Variants in MAGI2 observed in about 807,000 individuals in gnomAD.
The protein encoded by MAGI2 is membrane associated guanylate kinase, WW and PDZ domain containing 2, also known as membrane-associated guanylate kinase, WW and PDZ domain-containing protein 2.
MAGI2 carries 35 observed loss-of-function variants against 133.3 expected under a neutral mutation model. The ratio of observed to expected loss-of-function variants is 0.26; its 90% CI spans 0.20 to 0.35. The LOEUF is 0.35. Among genes scored for constraint, MAGI2 ranks in the 10% least tolerant of loss-of-function variants. The probability of loss-of-function intolerance (pLI) is 1.00; values close to 1 mark genes in which losing one functional copy is unlikely to be tolerated. For synonymous variants in MAGI2, 729 were observed against 710.6 expected (o/e 1.03, Z -0.41); for missense variants, 1,636 against 1,863.4 (o/e 0.88, Z 2.25).
intron 1 of MAGI2, among the ~76,000 whole-genome samples, chr7:79,247,565 A>G (rs1832914338): frequency 6.6e-6 from 1 of 152,144 alleles, no homozygotes; most frequent in African/African-American, 2.4e-5. Context: ...GTGAGCTGTG[A>G]TTGTGCCACT....
At chr7:79,436,025 T>G (rs549118389) in intron 1 of MAGI2, among the ~76,000 whole-genome samples, 113 of 152,186 alleles carry the variant, frequency 7.4e-4, no homozygotes, top group African/African-American at 2.4e-3. Flanking sequence ...GGGAAAGGAC[T>G]CCCTATTCAA....
At chr7:78,611,952 C>G (rs376379048) in intron 3 of MAGI2, among the ~76,000 whole-genome samples, 1 of 152,184 alleles carries the variant, frequency 6.6e-6, no homozygotes, top group African/African-American at 2.4e-5. Flanking sequence ...AATCCAAACT[C>G]CAGCTTCTCA....
chr7:78,451,009 T>C (rs1584191734), intron 6 of MAGI2, among the ~76,000 whole-genome samples: 1 of 151,880 alleles, frequency 6.6e-6, no homozygotes, highest in Non-Finnish European at 1.5e-5. Flanking sequence ...AAGCGGCAGG[T>C]GGTAGTAGTA....
At chr7:78,470,100 C>G (rs1329796897) in intron 6 of MAGI2, among the ~76,000 whole-genome samples, 1 of 152,112 alleles carries the variant, frequency 6.6e-6, no homozygotes. Flanking sequence ...TTCTCACTGT[C>G]AAGTTGAAAA....
chr7:79,327,913 G>A (rs11977807), intron 1 of MAGI2, among the ~76,000 whole-genome samples: 25,283 of 152,018 alleles, frequency 0.17, 2,410 homozygotes, highest in East Asian at 0.35. Flanking sequence ...TTTTAAACTT[G>A]TATCAAATAT....
At chr7:79,159,697 T>C (rs1488991045) in intron 1 of MAGI2, among the ~76,000 whole-genome samples, 1 of 152,092 alleles carries the variant, frequency 6.6e-6, no homozygotes, top group African/African-American at 2.4e-5. Flanking sequence ...ATAATCTGTC[T>C]CTTTAACATT....
intron 1 of MAGI2, among the ~76,000 whole-genome samples, chr7:79,254,431 C>T (rs1266293035): frequency 6.6e-6 from 1 of 152,090 alleles, no homozygotes; most frequent in Non-Finnish European, 1.5e-5. Context: ...CTTACAAAGG[C>T]CATCTTACTG....
chr7:78,986,593 C>T (rs1264945793), intron 2 of MAGI2, among the ~76,000 whole-genome samples: 2 of 151,914 alleles, frequency 1.3e-5, no homozygotes, highest in Non-Finnish European at 1.5e-5. Context: ...GTGATCATAG[C>T]TCACTGCAGC....
At chr7:78,684,947 T>C (rs191008759) in intron 2 of MAGI2, among the ~76,000 whole-genome samples, 1 of 152,296 alleles carries the variant, frequency 6.6e-6, no homozygotes, top group Non-Finnish European at 1.5e-5. Flanking sequence ...ATTTTTAACA[T>C]ACAGAGGAGC....
At chr7:78,711,351 G>C (rs1304856604) in intron 2 of MAGI2, among the ~76,000 whole-genome samples, 1 of 152,124 alleles carries the variant, frequency 6.6e-6, no homozygotes, top group Non-Finnish European at 1.5e-5. Context: ...GCAAGGAATG[G>C]AGGTTGCAGA....
intron 9 of MAGI2, among the ~76,000 whole-genome samples, chr7:78,275,298 T>A (rs935207446): frequency 1.3e-5 from 2 of 152,166 alleles, no homozygotes; most frequent in Admixed American, 6.5e-5. Context: ...CCAGTCCCAG[T>A]GAGATGAACC....
At chr7:78,922,926 C>T (rs1367306425) in intron 2 of MAGI2, among the ~76,000 whole-genome samples, 8 of 151,840 alleles carry the variant, frequency 5.3e-5, no homozygotes, top group Non-Finnish European at 8.8e-5. Flanking sequence ...TTTTGATTTG[C>T]ATTTCTCTGA....
chr7:79,006,257 C>G (rs1454893967), intron 2 of MAGI2, among the ~76,000 whole-genome samples: 1 of 152,222 alleles, frequency 6.6e-6, no homozygotes, highest in Non-Finnish European at 1.5e-5. Flanking sequence ...GGACTCATAG[C>G]TTTGAATTTA....
chr7:78,310,143 A>C (rs1798575411), intron 9 of MAGI2, among the ~76,000 whole-genome samples: 1 of 152,160 alleles, frequency 6.6e-6, no homozygotes, highest in African/African-American at 2.4e-5. Context: ...TATATTTTAA[A>C]AGTACATTAG....
intron 2 of MAGI2, among the ~76,000 whole-genome samples, chr7:78,770,353 G>A (rs1825454921): frequency 6.6e-6 from 1 of 152,112 alleles, no homozygotes; most frequent in African/African-American, 2.4e-5. Context: ...AAGAATACCT[G>A]GTGTGTGTCT....
chr7:79,230,323 A>G (rs62460853), intron 1 of MAGI2, among the ~76,000 whole-genome samples: 7 of 152,070 alleles, frequency 4.6e-5, no homozygotes, highest in African/African-American at 9.7e-5. Flanking sequence ...GGGATGGCTG[A>G]GTCAAATGGT....
Position 78,338,984 on chromosome 7 carries a change from A to AAAACAAACAAACAAAC in MAGI2, c.1408+4778_1408+4793dup, listed in dbSNP as rs3061239. ...ACATAGTGAGACCCCATCTCTTGAGAAAACAAACAAACAAACAAACAAACA... is the reference window on the plus strand; with the variant it reads ...ACATAGTGAGACCCCATCTCTTGAGAAAACAAACAAACAAACAAACAAACAAACAAACAAACAAACA... On this transcript the variant is annotated intron_variant, in intron 9 of 21. Transcript: ENST00000354212. Among the ~76,000 whole-genome samples, 588 of 150,256 alleles carry AAAACAAACAAACAAAC rather than the reference A, an allele frequency of 3.9e-3. 1 individual carries two copies. The highest frequency in any genetic ancestry group is 6.4e-3 in the East Asian group (32 of 5,038).
At chr7:78,266,934 G>T (rs956257209) in intron 9 of MAGI2, among the ~76,000 whole-genome samples, 32 of 152,250 alleles carry the variant, frequency 2.1e-4, no homozygotes, top group African/African-American at 7.2e-4. Context: ...TTCTTGAATT[G>T]CTTTTGAAAA....
At chr7:78,946,619 C>A (rs1031705883) in intron 2 of MAGI2, 9 of 152,152 alleles carry the variant, frequency 5.9e-5, no homozygotes, top group Non-Finnish European at 1.2e-4. Context: ...GCTTTTCATG[C>A]ACCTTAGAGG....
Sources: gnomAD v4.1 joint callset for allele counts (sites outside exome capture counted in the v4.1 genomes callset) on GRCh38, gnomAD v4.1.1 for gene constraint, MANE v1.5 for transcripts, NCBI Gene and HGNC (gene_info 2026-07-23, HGNC 2026-07-21) for gene names.